Variants in PCDHGA5 observed in about 807,000 individuals in gnomAD.
PCDHGA5 encodes the protein protocadherin gamma subfamily A, 5, also known as protocadherin gamma-A5.
Under a neutral mutation model 56.7 loss-of-function variants are expected in PCDHGA5, and 36 were observed. The observed-to-expected ratio is 0.64, with a 90% CI of 0.49 to 0.84. PCDHGA5 has a LOEUF of 0.84. PCDHGA5 is among the 40% of genes least tolerant of loss of function. The pLI, the probability that PCDHGA5 is intolerant of heterozygous loss-of-function variation, is 0.00. For missense variants in PCDHGA5, 1,305 were observed against 1,201.5 expected (o/e 1.09, Z -1.27); for synonymous variants, 563 against 520.2 (o/e 1.08, Z -1.12).
In PCDHGA5 at chr5:141,366,520, C is replaced by T. The variant is rs2149895012; in HGVS notation, c.2190C>T (p.Ser730=). The part of the protein sequence containing the change: ...HKSRLLQAEG[S]RLAGVPASHF... ...CACGCCTGCTTCAGGCTGAAGGCAG[C>T]AGGTTGGCGGGTGTGCCCGCCTCGC... The change falls in exon 1 of 4, where the codon AGC becomes AGT. Residue 730 remains serine (S), a synonymous_variant. Coordinates refer to ENST00000518069, the MANE Select transcript of PCDHGA5 (RefSeq NM_018918.3). 3 of 1,614,278 alleles carry T rather than the reference C, an allele frequency of 1.9e-6. No individual in the cohort carries two copies. The East Asian group carries it at 6.7e-5, about 36-fold the overall frequency.
chr5:141,423,131 A>C (rs370773437), intron 1 of PCDHGA5: 1 of 1,613,538 alleles, frequency 6.2e-7, no homozygotes. Flanking sequence ...GCACTGCTGG[A>C]CAGAGACGCG....
At chr5:141,437,460 T>C (rs2097886220) in intron 1 of PCDHGA5, among the ~76,000 whole-genome samples, 1 of 152,230 alleles carries the variant, frequency 6.6e-6, no homozygotes, top group South Asian at 2.1e-4. Flanking sequence ...GAGACTATAC[T>C]ATACTTTTAT....
intron 1 of PCDHGA5, among the ~76,000 whole-genome samples, chr5:141,458,890 C>A (rs369529373): frequency 2.0e-5 from 3 of 152,042 alleles, no homozygotes; most frequent in African/African-American, 7.2e-5. Flanking sequence ...GCACACCATG[C>A]GCAGCTAATT....
intron 1 of PCDHGA5, chr5:141,374,411 G>T: frequency 6.2e-7 from 1 of 1,614,036 alleles, no homozygotes. Flanking sequence ...TAACATCCTT[G>T]TCGAGGATAA....
rs1212833348 is a variant in PCDHGA5 at position 141,431,379 on chromosome 5, C to T, written c.2422-63428C>T. On this transcript the variant is annotated intron_variant, in intron 1 of 3. Transcript: ENST00000518069. The surrounding 1 kb of genome is among the most constrained non-coding windows in gnomAD (Gnocchi z 4.8). ...GCCCTGGACCGCGAAGAAAAGGCTG[C>T]TCACCACCTGGTCCTTACGGCCTCC... is the stretch of plus-strand genomic sequence containing the variant. 3 of 1,613,946 alleles carry T rather than the reference C, an allele frequency of 1.9e-6. No individual in the cohort carries two copies. Among genetic ancestry groups the T allele is most frequent in the Non-Finnish European group, 2.5e-6 (3 of 1,180,020 alleles).
At chr5:141,505,154 C>T (rs1443235547) in intron 2 of PCDHGA5, among the ~76,000 whole-genome samples, 2 of 152,028 alleles carry the variant, frequency 1.3e-5, no homozygotes, top group Non-Finnish European at 2.9e-5. Flanking sequence ...AGAGTAAGAC[C>T]CTGTCTAAAA....
At chr5:141,413,804 C>G in intron 1 of PCDHGA5, 1 of 1,613,194 alleles carries the variant, frequency 6.2e-7, no homozygotes, top group Non-Finnish European at 8.5e-7. Context: ...GAGGAAGAGG[C>G]CATTCACCAC....
At chr5:141,481,013 A>G (rs1198627648) in intron 1 of PCDHGA5, among the ~76,000 whole-genome samples, 1 of 152,164 alleles carries the variant, frequency 6.6e-6, no homozygotes, top group Admixed American at 6.5e-5. Context: ...AGCCCAGATC[A>G]CACCACTGCA....
chr5:141,427,294 A>G (rs1239553754), intron 1 of PCDHGA5: 6 of 456,876 alleles, frequency 1.3e-5, no homozygotes, highest in Non-Finnish European at 2.2e-5. Context: ...GAAATCCTAG[A>G]TGAGAATGAC....
At chr5:141,395,277 A>G (rs758440707) in intron 1 of PCDHGA5, 2 of 1,542,838 alleles carry the variant, frequency 1.3e-6, no homozygotes, top group East Asian at 2.3e-5. Flanking sequence ...TTCCAGATGA[A>G]TTTTATTTGG....
intron 1 of PCDHGA5, among the ~76,000 whole-genome samples, chr5:141,465,090 A>G (rs566511602): frequency 6.7e-6 from 1 of 149,576 alleles, no homozygotes; most frequent in Admixed American, 6.7e-5. Flanking sequence ...TCATTTTTCT[A>G]GTAGTTTTTT....
chr5:141,394,608 G>A lies in PCDHGA5; in HGVS notation c.2421+27857G>A, dbSNP rs749049825. 15 of 1,613,420 alleles carry A rather than the reference G, an allele frequency of 9.3e-6. No homozygotes were observed. The African/African-American group carries it at 1.9e-4, about 20-fold the overall frequency. ...GGTGGTGGCGGTGGACAGAGACTCGGGCCAGAACGCCTGGCTGTCCTACCG... is the reference window on the plus strand; with the variant it reads ...GGTGGTGGCGGTGGACAGAGACTCGAGCCAGAACGCCTGGCTGTCCTACCG... On this transcript the variant is annotated intron_variant, in intron 1 of 3. Transcript: ENST00000518069.
In PCDHGA5 at chr5:141,421,099, G is replaced by A. The variant is rs941392242; in HGVS notation, c.2421+54348G>A. ...GATACTCACAGATCCTGACACTGGA[G>A]ACTTAGAAGTATTTTCCTTCGCTTT... is the stretch of plus-strand genomic sequence containing the variant. On this transcript the variant is annotated intron_variant, in intron 1 of 3. Coordinates refer to ENST00000518069, the MANE Select transcript of PCDHGA5 (RefSeq NM_018918.3). 1.2e-5 allele frequency: 8 copies of A among 680,384 alleles called. No individual in the cohort carries two copies. In the Admixed American group the frequency reaches 1.2e-4, roughly 11 times the overall value. 42.1% of individuals were successfully genotyped at this position (680,384 alleles called of 1,614,324 possible).
At chr5:141,388,471 T>C (rs758013989) in intron 1 of PCDHGA5, 1 of 1,613,844 alleles carries the variant, frequency 6.2e-7, no homozygotes, top group South Asian at 1.1e-5. Context: ...GAGATGGTAT[T>C]GAAGACACCT....
chr5:141,415,764 T>G lies in PCDHGA5; in HGVS notation c.2421+49013T>G, dbSNP rs1158166352. The G allele has an allele frequency of 5.0e-6, 7 of 1,391,674 alleles. No homozygotes were observed. The African/African-American group carries it at 7.5e-5, about 15-fold the overall frequency. 86.2% of individuals were successfully genotyped at this position (1,391,674 alleles called of 1,614,324 possible). Reference sequence around the variant, plus strand: ...GGTTTTTTTTTTTTTTTTTTTTTTTTTTTTTTTTACTTTCTGGTAAAATTC... The same window carrying G: ...GGTTTTTTTTTTTTTTTTTTTTTTTGTTTTTTTTACTTTCTGGTAAAATTC... On this transcript the variant is annotated intron_variant, in intron 1 of 3. Coordinates refer to ENST00000518069, the MANE Select transcript of PCDHGA5 (RefSeq NM_018918.3).
At chr5:141,394,690 T>A (rs745602076) in intron 1 of PCDHGA5, 1 of 1,610,768 alleles carries the variant, frequency 6.2e-7, no homozygotes, top group East Asian at 2.2e-5. Flanking sequence ...ACGGGCGAGG[T>A]GCGCACGGCG....
At chr5:141,371,919 G>A (rs765232758) in intron 1 of PCDHGA5, 2 of 1,613,372 alleles carry the variant, frequency 1.2e-6, no homozygotes, top group East Asian at 2.2e-5. Flanking sequence ...GTCCGTGAGC[G>A]CGCGGAGCGG....
chr5:141,433,079 A>C, intron 1 of PCDHGA5: 1 of 1,614,208 alleles, frequency 6.2e-7, no homozygotes, highest in South Asian at 1.1e-5. Flanking sequence ...CCCCCAGCCC[A>C]ACTATGCAGA....
chr5:141,440,905 C>A (rs986711694), intron 1 of PCDHGA5: 1 of 152,184 alleles, frequency 6.6e-6, no homozygotes, highest in East Asian at 1.9e-4. Context: ...TGCATCCGGG[C>A]ACTCCTGTGC....
Sources: gnomAD v4.1 joint callset for allele counts (sites outside exome capture counted in the v4.1 genomes callset) on GRCh38, gnomAD v4.1.1 for gene constraint, Gnocchi (gnomAD v3.1) non-coding constraint, MANE v1.5 for transcripts, NCBI Gene and HGNC (gene_info 2026-07-23, HGNC 2026-07-21) for gene names.